CTNNA2: variants seen among roughly 807,000 people sequenced by gnomAD.
CTNNA2 encodes the protein catenin alpha 2.
CTNNA2 carries 42 observed loss-of-function variants against 101.0 expected under a neutral mutation model. The observed-to-expected ratio is 0.42, with a 90% CI of 0.32 to 0.54. The LOEUF (loss-of-function observed/expected upper bound fraction) is 0.54, where lower values mean the gene tolerates loss of function less well. Ranked by LOEUF, CTNNA2 falls within the 20% of genes least tolerant of loss-of-function variation. CTNNA2 has a pLI of 0.14. For missense variants in CTNNA2, 871 were observed against 1,223.1 expected (o/e 0.71, Z 4.29); for synonymous variants, 450 against 456.4 (o/e 0.99, Z 0.18).
chr2:79,248,185 T>C lies in CTNNA2; in HGVS notation c.-406+50109T>C, dbSNP rs74867472. ...CCATTTGTAATTTATAATTATGAATTGACTCATAGTGTTTCTGAGACCTTC... is the reference window on the plus strand; with the variant it reads ...CCATTTGTAATTTATAATTATGAATCGACTCATAGTGTTTCTGAGACCTTC... On this transcript the variant is annotated intron_variant, in intron 2 of 21. Transcript: ENST00000466387. 4.3e-3 allele frequency among the ~76,000 whole-genome samples: 662 copies of C among 152,274 alleles called. 4 individuals are homozygous for C. The highest frequency in any genetic ancestry group is 0.015 in the African/African-American group (609 of 41,572).
intron 2 of CTNNA2, among the ~76,000 whole-genome samples, chr2:79,263,354 A>G (rs1161689074): frequency 6.6e-6 from 1 of 152,090 alleles, no homozygotes; most frequent in East Asian, 1.9e-4. Flanking sequence ...CTTGTTGTTT[A>G]AAAGAGTGTA....
In CTNNA2 at chr2:80,641,343, G is replaced by A. The variant is rs1189324033; in HGVS notation, c.2575-6242G>A. Among the ~76,000 whole-genome samples the A allele has an allele frequency of 7.9e-5, 12 of 152,172 alleles. No homozygotes were observed. In the East Asian group the frequency reaches 2.3e-3, roughly 29 times the overall value. ...TGGATTTTCATGAACTGCCATTTAT[G>A]TGTCATTAATTTTTGTTAGTAGATG... On this transcript the variant is annotated intron_variant, in intron 18 of 18. Transcript: ENST00000402739.
chr2:79,408,445 C>A, intron 4 of CTNNA2, among the ~76,000 whole-genome samples: 1 of 122,684 alleles, frequency 8.2e-6, no homozygotes, highest in African/African-American at 3.0e-5. Flanking sequence ...CTAATGCTAT[C>A]CCTCCCCCCT....
At chr2:80,575,398 A>C (rs1256173570) in intron 13 of CTNNA2, 1 of 152,088 alleles carries the variant, frequency 6.6e-6, no homozygotes, top group Non-Finnish European at 1.5e-5. Flanking sequence ...ACGGAGCCTA[A>C]ATCTTTCTCT....
chr2:79,342,667 C>T (rs761302247), intron 3 of CTNNA2, among the ~76,000 whole-genome samples: 8 of 152,132 alleles, frequency 5.3e-5, no homozygotes, highest in Non-Finnish European at 8.8e-5. Context: ...AAACATGCTG[C>T]GGGTACTTTA....
Position 79,865,543 on chromosome 2 carries a change from C to T in CTNNA2, c.466-4273C>T, listed in dbSNP as rs956235696. Among the ~76,000 whole-genome samples, 3 of 149,890 alleles carry T rather than the reference C, an allele frequency of 2.0e-5. No individual in the cohort carries two copies. In the East Asian group the frequency reaches 5.9e-4, roughly 29 times the overall value. On this transcript the variant is annotated intron_variant, in intron 4 of 18. Transcript: ENST00000402739. ...ACAGAAATGATAATCATAACAGCAACGATTTCTAGTAATGGTATAGCCAGC... is the reference window on the plus strand; with the variant it reads ...ACAGAAATGATAATCATAACAGCAATGATTTCTAGTAATGGTATAGCCAGC...
chr2:80,006,968 A>G (rs1246340308), intron 7 of CTNNA2, among the ~76,000 whole-genome samples: 1 of 152,126 alleles, frequency 6.6e-6, no homozygotes, highest in Non-Finnish European at 1.5e-5. Flanking sequence ...ATCATACTGA[A>G]TTTTTGACAA....
At position 80,174,150 on chromosome 2, in the gene CTNNA2, A is replaced by C. The variant is rs77012984; in HGVS notation, c.1057-219061A>C. The stretch of plus-strand genomic sequence containing the variant: ...GCCTCAGAGAATAAGAGAAATAAAA[A>C]ATGTGGAATTCTTAATGCCTTATCC... On this transcript the variant is annotated intron_variant, in intron 7 of 18. Coordinates refer to ENST00000402739, the MANE Select transcript of CTNNA2 (RefSeq NM_001282597.3). Among the ~76,000 whole-genome samples, 549 of 152,314 alleles carry C rather than the reference A, an allele frequency of 3.6e-3. 2 individuals are homozygous for C. Among genetic ancestry groups the C allele is most frequent in the African/African-American group, 0.013 (525 of 41,572 alleles).
chr2:80,252,104 T>G (rs1038820092), intron 7 of CTNNA2, among the ~76,000 whole-genome samples: 2 of 152,214 alleles, frequency 1.3e-5, no homozygotes, highest in African/African-American at 4.8e-5. Flanking sequence ...TTATAATACT[T>G]AAAACATCCT....
chr2:79,437,978 G>A (rs564495346), intron 4 of CTNNA2, among the ~76,000 whole-genome samples: 1 of 152,106 alleles, frequency 6.6e-6, no homozygotes, highest in African/African-American at 2.4e-5. Context: ...TTTGTCCCTG[G>A]ACTCCAATCA....
chr2:79,693,189 T>C (rs2104712651), intron 2 of CTNNA2, among the ~76,000 whole-genome samples: 1 of 152,056 alleles, frequency 6.6e-6, no homozygotes, highest in South Asian at 2.1e-4. Flanking sequence ...AGTTAAAATG[T>C]GTGGGAAGAA....
chr2:80,341,963 C>T (rs1201473620), intron 7 of CTNNA2, among the ~76,000 whole-genome samples: 2 of 152,172 alleles, frequency 1.3e-5, no homozygotes, highest in African/African-American at 4.8e-5. Context: ...CATGCTACAA[C>T]ATAGACGAAC....
At chr2:79,464,730 G>T (rs1376023212) in intron 4 of CTNNA2, among the ~76,000 whole-genome samples, 3 of 152,118 alleles carry the variant, frequency 2.0e-5, no homozygotes, top group Non-Finnish European at 2.9e-5. Context: ...TTCTTTGATG[G>T]CCAATGATGA....
intron 3 of CTNNA2, among the ~76,000 whole-genome samples, chr2:79,781,319 G>A (rs1323199075): frequency 1.3e-5 from 2 of 152,132 alleles, no homozygotes; most frequent in Non-Finnish European, 2.9e-5. Context: ...GTTTTAGCTG[G>A]TTTCTTTACT....
chr2:80,564,042 A>G (rs150139244), intron 12 of CTNNA2, among the ~76,000 whole-genome samples: 6 of 152,330 alleles, frequency 3.9e-5, no homozygotes, highest in Admixed American at 2.0e-4. Context: ...AAACTCAAAG[A>G]TGTCATTAAT....
chr2:80,233,218 G>T (rs952726310), intron 7 of CTNNA2, among the ~76,000 whole-genome samples: 2 of 152,100 alleles, frequency 1.3e-5, no homozygotes, highest in African/African-American at 2.4e-5. Context: ...GGCCTTGGTA[G>T]TGTTGCAAAA....
chr2:79,933,032 A>C (rs1002300531), intron 7 of CTNNA2, among the ~76,000 whole-genome samples: 2 of 152,194 alleles, frequency 1.3e-5, no homozygotes, highest in Non-Finnish European at 2.9e-5. Flanking sequence ...TATTTCTAGC[A>C]TATATATTTG....
At chr2:79,617,922 G>A (rs1259265114) in intron 1 of CTNNA2, among the ~76,000 whole-genome samples, 1 of 152,158 alleles carries the variant, frequency 6.6e-6, no homozygotes, top group African/African-American at 2.4e-5. Context: ...CGGGTTCAAA[G>A]TAGTAAGGTT....
chr2:79,328,902 C>T (rs984047467), intron 3 of CTNNA2, among the ~76,000 whole-genome samples: 6 of 152,176 alleles, frequency 3.9e-5, no homozygotes, highest in African/African-American at 1.4e-4. Flanking sequence ...TTTCCTACCA[C>T]TTTGTGCTTG....
Sources: gnomAD v4.1 joint callset for allele counts (sites outside exome capture counted in the v4.1 genomes callset) on GRCh38, gnomAD v4.1.1 for gene constraint, MANE v1.5 for transcripts, NCBI Gene and HGNC (gene_info 2026-07-23, HGNC 2026-07-21) for gene names.